Variants in SLC35F3 observed in about 807,000 individuals in gnomAD.
SLC35F3 encodes putative thiamine transporter SLC35F3.
In SLC35F3, 25 loss-of-function variants were observed where a neutral mutation model predicts 49.9. The ratio of observed to expected loss-of-function variants is 0.50; its 90% CI spans 0.37 to 0.70. The LOEUF (loss-of-function observed/expected upper bound fraction) is 0.70, where lower values mean the gene tolerates loss of function less well. Among genes scored for constraint, SLC35F3 ranks in the 30% least tolerant of loss-of-function variants. The probability of loss-of-function intolerance (pLI) is 0.00; values close to 1 mark genes in which losing one functional copy is unlikely to be tolerated. For synonymous variants in SLC35F3, 275 were observed against 265.4 expected (o/e 1.04, Z -0.35); for missense variants, 525 against 639.8 (o/e 0.82, Z 1.94).
Position 234,214,453 on chromosome 1 carries a change from G to C in SLC35F3, c.284-16964G>C, listed in dbSNP as rs1667089838. On this transcript the variant is annotated intron_variant, in intron 2 of 7. Coordinates refer to ENST00000366618, the MANE Select transcript of SLC35F3 (RefSeq NM_173508.4). This position sits in a 1 kb window ranked among gnomAD's most constrained non-coding sequence, Gnocchi z 8.0. Reference sequence around the variant, plus strand: ...AGAGACGCGCTCCAGCCGGCCCCAGGATGTAGGCGATCGGCGGCAGCGCTC... The same window carrying C: ...AGAGACGCGCTCCAGCCGGCCCCAGCATGTAGGCGATCGGCGGCAGCGCTC... 7 of 1,513,156 alleles carry C rather than the reference G, an allele frequency of 4.6e-6. No homozygotes were observed. The highest frequency in any genetic ancestry group is 5.3e-6 in the Non-Finnish European group (6 of 1,130,806). 93.7% of individuals were successfully genotyped at this position (1,513,156 alleles called of 1,614,324 possible).
chr1:234,079,301 T>A (rs957134326), intron 2 of SLC35F3, among the ~76,000 whole-genome samples: 1 of 152,178 alleles, frequency 6.6e-6, no homozygotes, highest in Non-Finnish European at 1.5e-5. Flanking sequence ...TCTAACTTCA[T>A]TATTTTGAAG....
In SLC35F3 at chr1:234,247,814, C is replaced by CTGGGTCAGTTGGCTGGTGCATTGTTTG; in HGVS notation, c.608+16073_608+16074insTGGGTCAGTTGGCTGGTGCATTGTTTG. Reference sequence around the variant, plus strand: ...GGGTTGGTTGGCTGGTCCATTGTTTCATGGGTCAGTTGGCTGGTGCATTGT... The same window carrying CTGGGTCAGTTGGCTGGTGCATTGTTTG: ...GGGTTGGTTGGCTGGTCCATTGTTTCTGGGTCAGTTGGCTGGTGCATTGTTTGATGGGTCAGTTGGCTGGTGCATTGT... On this transcript the variant is annotated intron_variant, in intron 3 of 7. Transcript: ENST00000366618. Among the ~76,000 whole-genome samples, 2 of 129,152 alleles carry CTGGGTCAGTTGGCTGGTGCATTGTTTG rather than the reference C, an allele frequency of 1.5e-5. 1 individual carries two copies. Among genetic ancestry groups the CTGGGTCAGTTGGCTGGTGCATTGTTTG allele is most frequent in the Admixed American group, 1.5e-4 (2 of 13,170 alleles). The allele number at this position is 129,152 out of a possible 152,430, so 84.7% of individuals were successfully genotyped here. A position where few individuals can be genotyped will look rare whatever the true frequency, so the allele number is the denominator to read the frequency against.
intron 2 of SLC35F3, among the ~76,000 whole-genome samples, chr1:234,099,816 G>C (rs896317397): frequency 4.6e-5 from 7 of 152,128 alleles, no homozygotes; most frequent in Admixed American, 4.6e-4. Flanking sequence ...AAGAATGAAA[G>C]ATTGTGGAAA....
Position 234,061,377 on chromosome 1 carries a change from G to T in SLC35F3, c.283+155619G>T, listed in dbSNP as rs186981877. On this transcript the variant is annotated intron_variant, in intron 2 of 7. Transcript: ENST00000366618. ...AATGATAAGCCAGTTTTCTCTTTCTGCTTTCAAAACTTTCTCTGTCTTAAG... is the reference window on the plus strand; with the variant it reads ...AATGATAAGCCAGTTTTCTCTTTCTTCTTTCAAAACTTTCTCTGTCTTAAG... Among the ~76,000 whole-genome samples, 14 of 151,970 alleles carry T rather than the reference G, an allele frequency of 9.2e-5. No homozygotes were observed. In the East Asian group the frequency reaches 2.3e-3, roughly 25 times the overall value.
chr1:234,044,497 T>C (rs1488880181), intron 2 of SLC35F3, among the ~76,000 whole-genome samples: 1 of 152,222 alleles, frequency 6.6e-6, no homozygotes, highest in African/African-American at 2.4e-5. Flanking sequence ...ATATGTTCCT[T>C]TGACTTTTCT....
chr1:234,141,302 A>T (rs1472852159), intron 2 of SLC35F3, among the ~76,000 whole-genome samples: 1 of 152,166 alleles, frequency 6.6e-6, no homozygotes, highest in East Asian at 1.9e-4. Context: ...CTCCAGCTCT[A>T]CATGGTGCAT....
At chr1:234,318,236 G>A (rs572260774) in intron 5 of SLC35F3, among the ~76,000 whole-genome samples, 1 of 152,304 alleles carries the variant, frequency 6.6e-6, no homozygotes, top group African/African-American at 2.4e-5. Flanking sequence ...ACAGGTGCAA[G>A]AAAATAAAAG....
intron 2 of SLC35F3, among the ~76,000 whole-genome samples, chr1:234,025,894 G>A (rs536524665): frequency 6.6e-6 from 1 of 152,206 alleles, no homozygotes; most frequent in Non-Finnish European, 1.5e-5. Context: ...TTGATGTCCA[G>A]AATGGTAGTT....
intron 2 of SLC35F3, among the ~76,000 whole-genome samples, chr1:234,227,241 A>T (rs1258021843): frequency 6.6e-6 from 1 of 152,064 alleles, no homozygotes; most frequent in Admixed American, 6.5e-5. Context: ...AAACAGAGGG[A>T]TTGTTAGTGG....
chr1:234,320,020 T>C lies in SLC35F3; in HGVS notation c.1148-78T>C. ...TGACTCCAGCCTCATCAGGAAAACC[T>C]GGGTCAGATAGGCCAGCAGGGAGGT... On this transcript the variant is annotated intron_variant, in intron 6 of 7. Transcript: ENST00000366618. This position sits in a 1 kb window ranked among gnomAD's most constrained non-coding sequence, Gnocchi z 4.8. 1.0e-6 allele frequency: 1 copy of C among 977,280 alleles called. No individual in the cohort carries two copies. Among genetic ancestry groups the C allele is most frequent in the African/African-American group, 1.6e-5 (1 of 62,740 alleles). 60.5% of individuals were successfully genotyped at this position (977,280 alleles called of 1,614,324 possible).
intron 4 of SLC35F3, among the ~76,000 whole-genome samples, chr1:234,314,632 G>A (rs990727810): frequency 6.6e-6 from 1 of 152,160 alleles, no homozygotes; most frequent in Non-Finnish European, 1.5e-5. Context: ...GTGGTGGCGG[G>A]CACCTGTAGT....
At chr1:233,998,754 T>A (rs1663502931) in intron 2 of SLC35F3, among the ~76,000 whole-genome samples, 1 of 152,196 alleles carries the variant, frequency 6.6e-6, no homozygotes, top group Non-Finnish European at 1.5e-5. Context: ...AATAGCCACA[T>A]GTGGCTTGTG....
intron 3 of SLC35F3, among the ~76,000 whole-genome samples, chr1:234,304,441 T>A (rs1400943516): frequency 1.3e-5 from 1 of 74,120 alleles, no homozygotes; most frequent in East Asian, 3.7e-4. Context: ...TATTAATTTC[T>A]AAAATGTAGT....
At chr1:233,939,546 C>T (rs781779513) in intron 2 of SLC35F3, among the ~76,000 whole-genome samples, 12 of 152,092 alleles carry the variant, frequency 7.9e-5, no homozygotes, top group Non-Finnish European at 1.2e-4. Context: ...TGATTATGAA[C>T]GGGTGTGTTC....
At chr1:233,925,623 C>T (rs1193450601) in intron 2 of SLC35F3, among the ~76,000 whole-genome samples, 5 of 152,092 alleles carry the variant, frequency 3.3e-5, no homozygotes, top group Non-Finnish European at 7.4e-5. Context: ...GAGCATTTAG[C>T]CCATTTACAT....
intron 2 of SLC35F3, among the ~76,000 whole-genome samples, chr1:234,193,694 A>G (rs1334615374): frequency 6.6e-6 from 1 of 152,246 alleles, no homozygotes; most frequent in Admixed American, 6.5e-5. Context: ...ACAACTTGTA[A>G]TCCTACAAAG....
In SLC35F3 at chr1:234,016,850, C is replaced by T. The variant is rs561584021; in HGVS notation, c.283+111092C>T. 3.0e-3 allele frequency among the ~76,000 whole-genome samples: 461 copies of T among 152,200 alleles called. 2 individuals carry two copies. The highest frequency in any genetic ancestry group is 3.1e-3 in the Non-Finnish European group (210 of 68,010). ...CCGGTCTAAGGTTTGTGCCTTTGTT[C>T]GCTTACACCACTAACACCACTCCAG... On this transcript the variant is annotated intron_variant, in intron 2 of 7. Coordinates refer to ENST00000366618, the MANE Select transcript of SLC35F3 (RefSeq NM_173508.4).
intron 2 of SLC35F3, among the ~76,000 whole-genome samples, chr1:234,191,741 T>C (rs964460874): frequency 6.6e-6 from 1 of 151,954 alleles, no homozygotes; most frequent in Admixed American, 6.6e-5. Flanking sequence ...AAGATCCAAA[T>C]AAGCACAGCT....
In SLC35F3 at chr1:234,316,682, C is replaced by T. The variant is rs1657498017; in HGVS notation, c.909C>T (p.Gly303=). 1 of 1,613,224 alleles carries T rather than the reference C, an allele frequency of 6.2e-7. No homozygotes were observed. Among genetic ancestry groups the T allele is most frequent in the Admixed American group, 1.7e-5 (1 of 59,998 alleles). The part of the protein sequence containing the change: ...ADGFHSHSVI[G]IALVVASASM... ...GCTTCCACAGCCACTCCGTCATCGG[C>T]ATCGCACTGGTGGTGGCCTCAGCAT... Residue 303 remains glycine (G), a synonymous_variant, in exon 5 of 8, where the codon GGC becomes GGT. Coordinates refer to ENST00000366618, the MANE Select transcript of SLC35F3 (RefSeq NM_173508.4).
Sources: gnomAD v4.1 joint callset for allele counts (sites outside exome capture counted in the v4.1 genomes callset) on GRCh38, gnomAD v4.1.1 for gene constraint, Gnocchi (gnomAD v3.1) non-coding constraint, MANE v1.5 for transcripts, NCBI Gene and HGNC (gene_info 2026-07-23, HGNC 2026-07-21) for gene names.